Variants in ELMO1 observed in about 807,000 individuals in gnomAD.
ELMO1 encodes the protein engulfment and cell motility 1, also known as engulfment and cell motility protein 1.
Under a neutral mutation model 98.9 loss-of-function variants are expected in ELMO1, and 26 were observed. That is an observed-to-expected ratio of 0.26 (90% CI 0.19 to 0.36). ELMO1 has a LOEUF of 0.36. ELMO1 is among the 10% of genes least tolerant of loss of function. The pLI is 1.00. For missense variants in ELMO1, 627 were observed against 935.2 expected, an observed-to-expected ratio of 0.67 and a Z score of 4.30; for synonymous variants, 346 against 346.0, an observed-to-expected ratio of 1.00 and a Z score of 0.00.
At chr7:37,334,812 A>G (rs1800311282) in intron 2 of ELMO1, among the ~76,000 whole-genome samples, 2 of 152,248 alleles carry the variant, frequency 1.3e-5, no homozygotes, top group Admixed American at 1.3e-4. Flanking sequence ...GAAATATGGT[A>G]GTTGAAAAAC....
chr7:37,169,665 A>G (rs138670112), intron 13 of ELMO1, among the ~76,000 whole-genome samples: 2,279 of 152,292 alleles, frequency 0.015, 51 homozygotes, highest in African/African-American at 0.052. Context: ...TTACATTTTC[A>G]CTTTTTTTCC....
intron 16 of ELMO1, among the ~76,000 whole-genome samples, chr7:36,921,752 C>G (rs1785169312): frequency 6.6e-6 from 1 of 152,174 alleles, no homozygotes; most frequent in African/African-American, 2.4e-5. Context: ...ATTCCTTGCA[C>G]AAACCTCTCA....
At chr7:37,303,004 C>T (rs536716554) in intron 4 of ELMO1, among the ~76,000 whole-genome samples, 32 of 152,248 alleles carry the variant, frequency 2.1e-4, no homozygotes, top group Admixed American at 7.8e-4. Flanking sequence ...CCAGACTTTC[C>T]GCCTAACTTT....
chr7:37,169,571 A>C (rs1199809389), intron 13 of ELMO1, among the ~76,000 whole-genome samples: 1 of 152,244 alleles, frequency 6.6e-6, no homozygotes, highest in Non-Finnish European at 1.5e-5. Context: ...ATGTATTGTT[A>C]AGATTTGCGA....
At chr7:37,257,269 A>G (rs1795715578) in intron 6 of ELMO1, among the ~76,000 whole-genome samples, 1 of 152,108 alleles carries the variant, frequency 6.6e-6, no homozygotes, top group Admixed American at 6.5e-5. Flanking sequence ...GACAGTTCAC[A>G]CTCATCTCCT....
At chr7:37,188,504 T>TAAA (rs1791379658) in intron 13 of ELMO1, among the ~76,000 whole-genome samples, 6 of 89,418 alleles carry the variant, frequency 6.7e-5, no homozygotes, top group Non-Finnish European at 1.1e-4. Context: ...AAAAAAAAAA[T>TAAA]AATAATAATA....
At chr7:36,918,966 GCATGCCTT>G (rs1165522312) in intron 16 of ELMO1, among the ~76,000 whole-genome samples, 1 of 146,978 alleles carries the variant, frequency 6.8e-6, no homozygotes, top group African/African-American at 2.5e-5. Flanking sequence ...GAGCAAGCAA[GCATGCCTT>G]CATTCATTCA....
chr7:37,148,791 T>C (rs1788164435), intron 13 of ELMO1, among the ~76,000 whole-genome samples: 1 of 152,200 alleles, frequency 6.6e-6, no homozygotes, highest in African/African-American at 2.4e-5. Flanking sequence ...CTTCCCTTAC[T>C]TCCCAGCTCC....
chr7:37,137,870 T>C (rs925645085), intron 13 of ELMO1, among the ~76,000 whole-genome samples: 1 of 152,164 alleles, frequency 6.6e-6, no homozygotes, highest in African/African-American at 2.4e-5. Context: ...ACTGAAATTA[T>C]ATCAAGTACT....
intron 1 of ELMO1, among the ~76,000 whole-genome samples, chr7:37,426,880 A>G (rs1339630378): frequency 6.6e-6 from 1 of 152,212 alleles, no homozygotes; most frequent in South Asian, 2.1e-4. Context: ...ACACATGAAA[A>G]TGAATAAAAA....
rs1462011234 is a variant in ELMO1 at position 36,985,152 on chromosome 7, G to A, written c.1437+28147C>T. ...ACCAGTGTCAGAAAATTAAACCCCAGGGAGCAGAGCAATAGCTCAGAGCAT... is the reference window on the plus strand; with the variant it reads ...ACCAGTGTCAGAAAATTAAACCCCAAGGAGCAGAGCAATAGCTCAGAGCAT... On this transcript the variant is annotated intron_variant, in intron 16 of 21. Transcript: ENST00000310758. 5 of 975,724 alleles carry A rather than the reference G, an allele frequency of 5.1e-6. No homozygotes were observed. In the Admixed American group the frequency reaches 1.8e-4, roughly 36 times the overall value. The allele number at this position is 975,724 out of a possible 1,614,324, so 60.4% of individuals were successfully genotyped here. A position where few individuals can be genotyped will look rare whatever the true frequency, so the allele number is the denominator to read the frequency against.
At chr7:36,900,182 G>A (rs1257210902) in intron 16 of ELMO1, among the ~76,000 whole-genome samples, 1 of 152,152 alleles carries the variant, frequency 6.6e-6, no homozygotes, top group African/African-American at 2.4e-5. Context: ...GAGAACCACC[G>A]ATTTCAGCAA....
At chr7:37,238,271 C>T (rs984005089) in intron 7 of ELMO1, among the ~76,000 whole-genome samples, 1 of 152,026 alleles carries the variant, frequency 6.6e-6, no homozygotes. Context: ...GCATGTCTAT[C>T]GATGAATTTA....
At chr7:37,270,451 T>G (rs1443826288) in intron 5 of ELMO1, 1 of 152,260 alleles carries the variant, frequency 6.6e-6, no homozygotes, top group East Asian at 1.9e-4. Context: ...TTTAGCCAGA[T>G]GCTTTTCCCA....
intron 13 of ELMO1, among the ~76,000 whole-genome samples, chr7:37,207,760 T>G (rs563906630): frequency 2.2e-4 from 33 of 151,928 alleles, no homozygotes; most frequent in Non-Finnish European, 4.4e-4. Flanking sequence ...CTGGCCAACA[T>G]GGTGAAACCC....
chr7:36,875,407 C>T (rs1803866378), intron 19 of ELMO1, among the ~76,000 whole-genome samples: 1 of 152,252 alleles, frequency 6.6e-6, no homozygotes, highest in Non-Finnish European at 1.5e-5. Context: ...CACACACACT[C>T]TCCCACAAGG....
At chr7:37,247,327 A>C (rs1262504271) in intron 6 of ELMO1, among the ~76,000 whole-genome samples, 1 of 152,166 alleles carries the variant, frequency 6.6e-6, no homozygotes, top group East Asian at 1.9e-4. Flanking sequence ...GGTGAGTGAC[A>C]GTGGTAGGTA....
chr7:37,358,177 G>A (rs556665191), intron 1 of ELMO1, among the ~76,000 whole-genome samples: 16 of 152,212 alleles, frequency 1.1e-4, no homozygotes, highest in Admixed American at 9.8e-4. Context: ...GGAAAATAGA[G>A]AAACTTCCAA....
chr7:37,167,490 C>G, intron 13 of ELMO1, among the ~76,000 whole-genome samples: 1 of 150,668 alleles, frequency 6.6e-6, no homozygotes, highest in East Asian at 1.9e-4. Context: ...TTGTTCCTTT[C>G]CATGTTTAGT....
Sources: gnomAD v4.1 joint callset for allele counts (sites outside exome capture counted in the v4.1 genomes callset) on GRCh38, gnomAD v4.1.1 for gene constraint, MANE v1.5 for transcripts, NCBI Gene and HGNC (gene_info 2026-07-23, HGNC 2026-07-21) for gene names.